MCUR1: variants seen among roughly 807,000 people sequenced by gnomAD.
The protein encoded by MCUR1 is MCU regulator 1.
In MCUR1, 37 loss-of-function variants were observed where a neutral mutation model predicts 42.0. That is an observed-to-expected ratio of 0.88 (90% CI 0.68 to 1.16). The LOEUF is 1.16. MCUR1 is among the 50% of genes most tolerant of loss of function. The probability of loss-of-function intolerance (pLI) is 0.00; values close to 1 mark genes in which losing one functional copy is unlikely to be tolerated. For missense variants in MCUR1, 469 were observed against 468.4 expected (o/e 1.00, Z -0.01); for synonymous variants, 229 against 196.2 (o/e 1.17, Z -1.40).
At chr6:13,793,731 T>G (rs1391074706) in intron 7 of MCUR1, among the ~76,000 whole-genome samples, 163 bp downstream of exon 7, 1 of 152,196 alleles carries the variant, frequency 6.6e-6, no homozygotes, top group Non-Finnish European at 1.5e-5. Context: ...TAAAAAATGG[T>G]TAAGATCCTA....
At chr6:13,808,778 C>T (rs892279555) in intron 1 of MCUR1, among the ~76,000 whole-genome samples, 1 of 152,154 alleles carries the variant, frequency 6.6e-6, no homozygotes, top group African/African-American at 2.4e-5. Context: ...AATGTCTTGT[C>T]ACTCTTGTTG....
rs3207311 is a variant in MCUR1, at chr6:13,790,696, A to C, written c.*113T>G. ...TCGAACTCCTGACCTCAGGTAATCCACCTGCCTCAGCCTCCCAAAGTGCTG... is the reference window on the plus strand; with the variant it reads ...TCGAACTCCTGACCTCAGGTAATCCCCCTGCCTCAGCCTCCCAAAGTGCTG... On this transcript the variant is annotated 3_prime_UTR_variant, in exon 9 of 9. Coordinates refer to ENST00000379170, the MANE Select transcript of MCUR1 (RefSeq NM_001031713.4). 2 of 693,272 alleles carry C rather than the reference A, an allele frequency of 2.9e-6. No homozygotes were observed. The highest frequency in any genetic ancestry group is 1.9e-5 in the African/African-American group (1 of 53,650). 42.9% of individuals were successfully genotyped at this position (693,272 alleles called of 1,614,324 possible). A position where few individuals can be genotyped will look rare whatever the true frequency, so the allele number is the denominator to read the frequency against.
rs374712816 is a variant in MCUR1, at chr6:13,790,613, G to A, written c.*196C>T. 4.1e-5 allele frequency: 15 copies of A among 366,366 alleles called. No individual in the cohort carries two copies. Among genetic ancestry groups the A allele is most frequent in the Middle Eastern group, 8.7e-4 (1 of 1,148 alleles). The allele number at this position is 366,366 out of a possible 1,614,324, so 22.7% of individuals were successfully genotyped here. A position where few individuals can be genotyped will look rare whatever the true frequency, so the allele number is the denominator to read the frequency against. Reference sequence around the variant, plus strand: ...ACTACAGGCGCCCGCCACCACGCCCGCCTAATGTTTTAATTTTTTAGTAGA... The same window carrying A: ...ACTACAGGCGCCCGCCACCACGCCCACCTAATGTTTTAATTTTTTAGTAGA... On this transcript the variant is annotated 3_prime_UTR_variant, in exon 9 of 9. Transcript: ENST00000379170.
At chr6:13,805,078 C>A (rs1007898411) in intron 2 of MCUR1, among the ~76,000 whole-genome samples, 1 of 152,114 alleles carries the variant, frequency 6.6e-6, no homozygotes, top group African/African-American at 2.4e-5. Context: ...GTGGCCCTCA[C>A]ACCACAGTCT....
chr6:13,791,752 C>A, intron 8 of MCUR1, 126 bp downstream of exon 8: 1 of 637,290 alleles, frequency 1.6e-6, no homozygotes, highest in Non-Finnish European at 2.6e-6. Flanking sequence ...AGATGCTTTC[C>A]AATTTCAGAG....
At position 13,814,044 on chromosome 6, in the gene MCUR1, G is replaced by C. The variant is rs536562068; in HGVS notation, c.386C>G (p.Pro129Arg). Residue 129 changes from proline to arginine, a missense_variant, in exon 1 of 9, where the codon CCG becomes CGG. Physicochemically the swap from Pro to Arg is moderately radical, Grantham distance 103. Coordinates refer to ENST00000379170, the MANE Select transcript of MCUR1 (RefSeq NM_001031713.4). ...AAGALPQYHG[P>R]APALVSCRRE... ...CCTGCAGGAAACGAGTGCAGGCGCC[G>C]GGCCGTGGTACTGGGGAAGGGCGCC... 3.6e-5 allele frequency: 44 copies of C among 1,236,934 alleles called. No homozygotes were observed. Among genetic ancestry groups the C allele is most frequent in the Non-Finnish European group, 4.3e-5 (43 of 991,352 alleles). 76.6% of individuals were successfully genotyped at this position (1,236,934 alleles called of 1,614,324 possible).
chr6:13,793,737 T>G (rs1298542262), intron 7 of MCUR1, among the ~76,000 whole-genome samples, 157 bp downstream of exon 7: 1 of 152,182 alleles, frequency 6.6e-6, no homozygotes, highest in African/African-American at 2.4e-5. Flanking sequence ...ATGGTTAAGA[T>G]CCTAATTTTT....
Position 13,814,309 on chromosome 6 carries a change from A to C in MCUR1, c.121T>G (p.Cys41Gly). Residue 41 changes from cysteine to glycine, a missense_variant, in exon 1 of 9, where the codon TGC becomes GGC. Transcript: ENST00000379170. ...PGGSETSARR[C>G]LSALSDGLGA... The stretch of plus-strand genomic sequence containing the variant: ...AGACCGTCGGAGAGCGCAGAGAGGC[A>C]GCGGCGTGCTGAGGTTTCGCTGCCG... The C allele has an allele frequency of 6.6e-7, 1 of 1,505,222 alleles. No homozygotes were observed. The highest frequency in any genetic ancestry group is 8.8e-7 in the Non-Finnish European group (1 of 1,133,250). The allele number at this position is 1,505,222 out of a possible 1,614,324, so 93.2% of individuals were successfully genotyped here. A position where few individuals can be genotyped will look rare whatever the true frequency, so the allele number is the denominator to read the frequency against.
At position 13,814,039 on chromosome 6, in the gene MCUR1, G is replaced by A; in HGVS notation, c.391C>T (p.Pro131Ser). The change falls in exon 1 of 9, where the codon CCT becomes TCT. Residue 131 changes from proline to serine, a missense_variant. By Grantham distance (74) the Pro-to-Ser change is moderately conservative (BLOSUM62 -1). Transcript: ENST00000379170. ...CCTCTCCTGCAGGAAACGAGTGCAG[G>A]CGCCGGGCCGTGGTACTGGGGAAGG... ...GALPQYHGPA[P>S]ALVSCRRELS... The A allele has an allele frequency of 8.1e-7, 1 of 1,236,856 alleles. No individual in the cohort carries two copies. Among genetic ancestry groups the A allele is most frequent in the Non-Finnish European group, 1.0e-6 (1 of 991,192 alleles). The allele number at this position is 1,236,856 out of a possible 1,614,324, so 76.6% of individuals were successfully genotyped here. A position where few individuals can be genotyped will look rare whatever the true frequency, so the allele number is the denominator to read the frequency against.
intron 8 of MCUR1, 129 bp from the exon 9 acceptor site, chr6:13,790,993 G>A (rs937599770): frequency 2.2e-5 from 13 of 595,262 alleles, no homozygotes; most frequent in South Asian, 6.4e-5. Context: ...CCCATATTCC[G>A]TGAAACGCCT....
chr6:13,793,793 A>C, intron 7 of MCUR1, 101 bp downstream of exon 7: 1 of 1,014,092 alleles, frequency 9.9e-7, no homozygotes, highest in East Asian at 2.4e-5. Flanking sequence ...CCATGACAGT[A>C]AACCTGCATG....
At chr6:13,794,135 T>G (rs1406644539) in intron 6 of MCUR1, among the ~76,000 whole-genome samples, 188 bp from the exon 7 acceptor site, 1 of 151,164 alleles carries the variant, frequency 6.6e-6, no homozygotes, top group East Asian at 1.9e-4. Flanking sequence ...TTTTTTTCCA[T>G]AGAGATGGGG....
In MCUR1 at chr6:13,791,977, G is replaced by A. The variant is rs756791116; in HGVS notation, c.925C>T (p.Arg309Trp). 16 of 1,613,768 alleles carry A rather than the reference G, an allele frequency of 9.9e-6. No homozygotes were observed. Among genetic ancestry groups the A allele is most frequent in the Admixed American group, 3.3e-5 (2 of 60,000 alleles). Reference sequence around the variant, plus strand: ...TTCCTGTCTGTCTGGGTAAGGGCCCGATCTTGCTGGGCATGCTTTTAAAAT... The same window carrying A: ...TTCCTGTCTGTCTGGGTAAGGGCCCAATCTTGCTGGGCATGCTTTTAAAAT... ...EIVALHAQQD[R>W]ALTQTDRKIE... The change falls in exon 8 of 9, where the codon CGG (arginine) becomes TGG (tryptophan). Residue 309 changes from arginine to tryptophan, a missense_variant. Arg to Trp is a moderately radical substitution (Grantham distance 101). Transcript: ENST00000379170.
chr6:13,811,074 ACTGAGTAT>A (rs764430875), intron 1 of MCUR1, among the ~76,000 whole-genome samples: 3 of 152,210 alleles, frequency 2.0e-5, no homozygotes, highest in Admixed American at 6.5e-5. Context: ...TTGCCAATTT[ACTGAGTAT>A]ACATTATGTT....
At chr6:13,794,099 A>T in intron 6 of MCUR1, 152 bp from the exon 7 acceptor site, 1 of 611,406 alleles carries the variant, frequency 1.6e-6, no homozygotes, top group Non-Finnish European at 2.8e-6. Flanking sequence ...GCTTCTTTAT[A>T]TGTGTTACTT....
At chr6:13,803,698 T>C (rs112742080) in intron 2 of MCUR1, 1 of 946,004 alleles carries the variant, frequency 1.1e-6, no homozygotes, top group South Asian at 4.9e-5. Context: ...GTTATACACA[T>C]GTCTAGAAAA....
chr6:13,799,930 C>G (rs986348502), intron 5 of MCUR1, among the ~76,000 whole-genome samples: 1 of 144,510 alleles, frequency 6.9e-6, no homozygotes, highest in African/African-American at 2.6e-5. Flanking sequence ...TTCCTGGGTT[C>G]AAGTGATTCT....
At position 13,814,230 on chromosome 6, in the gene MCUR1, G is replaced by A; in HGVS notation, c.200C>T (p.Ser67Leu). Residue 67 changes from serine to leucine, a missense_variant, in exon 1 of 9, where the codon TCA (serine) becomes TTA (leucine). By Grantham distance (145) the Ser-to-Leu change is moderately radical. Transcript: ENST00000379170. The part of the protein sequence containing the change: ...PAARGGVSRA[S>L]PLLLLLLVPS... The stretch of plus-strand genomic sequence containing the variant: ...CACTAGCAGGAGGAGGAGCAGCGGT[G>A]AGGCACGTGACACGCCGCCGCGGGC... 1.4e-6 allele frequency: 2 copies of A among 1,466,406 alleles called. No homozygotes were observed. The highest frequency in any genetic ancestry group is 1.8e-6 in the Non-Finnish European group (2 of 1,116,676). 90.8% of individuals were successfully genotyped at this position (1,466,406 alleles called of 1,614,324 possible).
At chr6:13,800,552 A>C (rs1759968683) in intron 4 of MCUR1, among the ~76,000 whole-genome samples, 170 bp from the exon 5 acceptor site, 1 of 152,244 alleles carries the variant, frequency 6.6e-6, no homozygotes, top group Non-Finnish European at 1.5e-5. Context: ...ATCAGTTTGA[A>C]TTCATCTTGA....
Sources: gnomAD v4.1 joint callset for allele counts (sites outside exome capture counted in the v4.1 genomes callset) on GRCh38, gnomAD v4.1.1 for gene constraint, MANE v1.5 for transcripts, NCBI Gene and HGNC (gene_info 2026-07-23, HGNC 2026-07-21) for gene names.